The following LRIF1 variants were observed in gnomAD, a reference collection of about 807,000 sequenced individuals.
LRIF1 encodes the protein ligand dependent nuclear receptor interacting factor 1, also known as ligand-dependent nuclear receptor-interacting factor 1.
In LRIF1, 32 loss-of-function variants were observed where a neutral mutation model predicts 52.7. The ratio of observed to expected loss-of-function variants is 0.61; its 90% confidence interval spans 0.46 to 0.82. The LOEUF (loss-of-function observed/expected upper bound fraction) is 0.82. Ranked by LOEUF, LRIF1 falls within the 40% of genes least tolerant of loss-of-function variation. LRIF1 has a pLI of 0.00. For missense variants in LRIF1, 887 were observed against 892.0 expected (o/e 0.99, Z 0.07); for synonymous variants, 323 against 317.4 (o/e 1.02, Z -0.19).
chr1:110,933,230 T>C, the LRIF1 span, among the ~76,000 whole-genome samples: 1 of 152,096 alleles, frequency 6.6e-6, no homozygotes, highest in African/African-American at 2.4e-5. Flanking sequence ...TGGTTTCTCA[T>C]GTTGAGAATG....
intron 1 of LRIF1, among the ~76,000 whole-genome samples, chr1:110,957,380 G>C (rs1449197733): frequency 6.8e-6 from 1 of 147,636 alleles, no homozygotes; most frequent in African/African-American, 2.5e-5. Flanking sequence ...GGCTGAGGTA[G>C]GACAATGGAG....
At chr1:110,906,706 C>T in the LRIF1 span, among the ~76,000 whole-genome samples, 3 of 152,070 alleles carry the variant, frequency 2.0e-5, no homozygotes, top group African/African-American at 7.2e-5. Flanking sequence ...CTATCATACT[C>T]ACTAATAGGA....
chr1:110,955,048 T>A (rs1224627367), intron 1 of LRIF1, among the ~76,000 whole-genome samples: 10 of 152,238 alleles, frequency 6.6e-5, no homozygotes, highest in Admixed American at 1.3e-4. Flanking sequence ...TTTAGGCTTA[T>A]ACATCCAAAT....
At chr1:110,911,826 C>CA in the LRIF1 span, among the ~76,000 whole-genome samples, 4 of 152,084 alleles carry the variant, frequency 2.6e-5, no homozygotes, top group Admixed American at 1.3e-4. Flanking sequence ...TAAAAGCCCT[C>CA]AAAAAACTAG....
intron 1 of LRIF1, among the ~76,000 whole-genome samples, chr1:110,961,729 A>G (rs1463635289): frequency 6.6e-6 from 1 of 152,174 alleles, no homozygotes; most frequent in East Asian, 1.9e-4. Context: ...TGTTACCAGA[A>G]AAATAAGAAA....
chr1:110,878,879 G>T, the LRIF1 span, among the ~76,000 whole-genome samples: 1 of 152,034 alleles, frequency 6.6e-6, no homozygotes, highest in Non-Finnish European at 1.5e-5. Flanking sequence ...TCTATTAAAC[G>T]CTTTTCTTCA....
At chr1:110,893,248 C>T in the LRIF1 span, among the ~76,000 whole-genome samples, 1 of 152,180 alleles carries the variant, frequency 6.6e-6, no homozygotes, top group Non-Finnish European at 1.5e-5. Flanking sequence ...ATTGGTTCTT[C>T]CTTAAATCAT....
the LRIF1 span, among the ~76,000 whole-genome samples, chr1:110,928,727 G>GA: frequency 6.6e-5 from 10 of 151,960 alleles, no homozygotes; most frequent in Admixed American, 3.3e-4. Flanking sequence ...GAGTGAGGGG[G>GA]AAAAAATCAA....
At chr1:110,875,327 G>A in the LRIF1 span, among the ~76,000 whole-genome samples, 1 of 152,160 alleles carries the variant, frequency 6.6e-6, no homozygotes, top group Non-Finnish European at 1.5e-5. Context: ...CACCAGGCAG[G>A]TCCTAGGTCC....
intron 1 of LRIF1, among the ~76,000 whole-genome samples, chr1:110,954,622 A>G (rs1348859801): frequency 6.6e-6 from 1 of 152,178 alleles, no homozygotes; most frequent in Non-Finnish European, 1.5e-5. Flanking sequence ...CCTGCACCAC[A>G]AGAAAAGCAC....
At chr1:110,942,920 C>T (rs990753077), downstream of LRIF1, among the ~76,000 whole-genome samples, 13 of 151,874 alleles carry the variant, frequency 8.6e-5, no homozygotes, top group Admixed American at 2.6e-4. Flanking sequence ...TATTTTGATC[C>T]ATGAGAACTA....
In LRIF1 at chr1:110,952,126, G is replaced by A. The variant is rs767977382; in HGVS notation, c.758C>T (p.Pro253Leu). The A allele has an allele frequency of 6.2e-7, 1 of 1,614,108 alleles. No individual in the cohort carries two copies. The highest frequency in any genetic ancestry group is 8.5e-7 in the Non-Finnish European group (1 of 1,180,008). The change falls in exon 2 of 4, where the codon CCT becomes CTT. Residue 253 changes from proline (P) to leucine (L), a missense_variant. Physicochemically the swap from Pro to Leu is moderately conservative, Grantham distance 98. Transcript: ENST00000369763. ...TKNFQNIYPK[P>L]VTEIAKPVIL... ...TACTGGCTTTGCTATTTCTGTAACA[G>A]GTTTTGGGTAAATGTTTTGAAAGTT...
downstream of LRIF1, among the ~76,000 whole-genome samples, chr1:110,945,891 G>A (rs1290760386): frequency 1.3e-5 from 2 of 152,176 alleles, no homozygotes; most frequent in African/African-American, 4.8e-5. Flanking sequence ...TTGACAGTAT[G>A]TTTATGTGGT....
chr1:110,948,331 T>C lies in LRIF1; in HGVS notation c.1938A>G (p.Thr646=). The C allele has an allele frequency of 1.2e-6, 2 of 1,614,124 alleles. No homozygotes were observed. Among genetic ancestry groups the C allele is most frequent in the East Asian group, 4.5e-5 (2 of 44,868 alleles). Residue 646 remains threonine, a synonymous_variant, in exon 4 of 4, where the codon ACA becomes ACG. Coordinates refer to ENST00000369763, the MANE Select transcript of LRIF1 (RefSeq NM_018372.4). The part of the protein sequence containing the change: ...KKMDHIKKRK[T]ENAYNAIING... ...TTATGATTGCGTTATAAGCATTCTC[T>C]GTTTTTCTCTTCTTTATGTGATCCA...
chr1:110,951,217 C>CT, intron 2 of LRIF1, 71 bp downstream of exon 2: 1 of 1,244,734 alleles, frequency 8.0e-7, no homozygotes, highest in Non-Finnish European at 1.1e-6. Context: ...TCATAGATAA[C>CT]TTTGAGAATT....
In LRIF1 at chr1:110,947,831, T is replaced by A. The variant is rs766010621; in HGVS notation, c.*128A>T. 1.2e-4 allele frequency: 148 copies of A among 1,286,380 alleles called. No individual in the cohort carries two copies. Among genetic ancestry groups the A allele is most frequent in the Non-Finnish European group, 1.3e-4 (122 of 961,926 alleles). The allele number at this position is 1,286,380 out of a possible 1,614,324, so 79.7% of individuals were successfully genotyped here. ...ACCTTTTCTGTATTCCTTAAAGTTGTACAATCGACTGATGAAAAAACAAGC... is the reference window on the plus strand; with the variant it reads ...ACCTTTTCTGTATTCCTTAAAGTTGAACAATCGACTGATGAAAAAACAAGC... On this transcript the variant is annotated 3_prime_UTR_variant, in exon 4 of 4. Coordinates refer to ENST00000369763, the MANE Select transcript of LRIF1 (RefSeq NM_018372.4).
At chr1:110,924,784 C>T in the LRIF1 span, among the ~76,000 whole-genome samples, 1 of 152,124 alleles carries the variant, frequency 6.6e-6, no homozygotes, top group Non-Finnish European at 1.5e-5. Flanking sequence ...CATTCTCACT[C>T]ATGAACATAG....
chr1:110,889,182 T>G, the LRIF1 span, among the ~76,000 whole-genome samples: 1 of 152,182 alleles, frequency 6.6e-6, no homozygotes, highest in Non-Finnish European at 1.5e-5. Flanking sequence ...CTATGAGATA[T>G]TTTGTCAGTG....
At chr1:110,895,494 T>C in the LRIF1 span, among the ~76,000 whole-genome samples, 11 of 152,100 alleles carry the variant, frequency 7.2e-5, no homozygotes, top group Admixed American at 5.9e-4. Flanking sequence ...ATGTACAGCA[T>C]ATACAAGCTC....
Sources: gnomAD v4.1 joint callset for allele counts (sites outside exome capture counted in the v4.1 genomes callset) on GRCh38, gnomAD v4.1.1 for gene constraint, MANE v1.5 for transcripts, NCBI Gene and HGNC (gene_info 2026-07-23, HGNC 2026-07-21) for gene names.